The following SUGCT variants were observed in gnomAD, a reference collection of about 807,000 sequenced individuals.
The protein encoded by SUGCT is succinyl-CoA:glutarate-CoA transferase, also known as succinyl-CoA:glutarate CoA-transferase.
Under a neutral mutation model 55.0 loss-of-function variants are expected in SUGCT, and 41 were observed. The observed-to-expected ratio is 0.74, with a 90% confidence interval of 0.58 to 0.97. SUGCT has a LOEUF of 0.97. SUGCT is among the 50% of genes least tolerant of loss of function. The pLI, the probability that SUGCT is intolerant of heterozygous loss-of-function variation, is 0.00. For missense variants in SUGCT, 568 were observed against 547.8 expected, an observed-to-expected ratio of 1.04 and a Z score of -0.37; for synonymous variants, 187 against 200.4, an observed-to-expected ratio of 0.93 and a Z score of 0.56.
At chr7:40,584,961 G>A (rs1381812108) in intron 12 of SUGCT, among the ~76,000 whole-genome samples, 1 of 152,162 alleles carries the variant, frequency 6.6e-6, no homozygotes, top group Non-Finnish European at 1.5e-5. Context: ...CATTGTAAAT[G>A]ATAATTTCAT....
In SUGCT at chr7:40,239,651, T is replaced by C. The variant is rs146566733; in HGVS notation, c.576+1925T>C. 6.1e-3 allele frequency among the ~76,000 whole-genome samples: 932 copies of C among 152,364 alleles called. 10 individuals carry two copies. The highest frequency in any genetic ancestry group is 0.021 in the African/African-American group (882 of 41,584). ...TCCTTTAGTACATTGCACTGTGGTC[T>C]AACAGGGATAATCACACAGTATATG... On this transcript the variant is annotated intron_variant, in intron 7 of 13. Transcript: ENST00000335693.
intron 7 of SUGCT, among the ~76,000 whole-genome samples, chr7:40,251,020 G>A (rs1030587794): frequency 3.3e-5 from 5 of 151,692 alleles, no homozygotes; most frequent in African/African-American, 1.2e-4. Context: ...AGTGGAGACG[G>A]GGGTTTCACC....
chr7:40,240,148 C>T (rs1789282207), intron 7 of SUGCT, among the ~76,000 whole-genome samples: 1 of 152,142 alleles, frequency 6.6e-6, no homozygotes, highest in Non-Finnish European at 1.5e-5. Context: ...TAAAGATCTC[C>T]ATAAAGTGTG....
intron 6 of SUGCT, among the ~76,000 whole-genome samples, chr7:40,200,125 A>G (rs1046543092): frequency 6.6e-6 from 1 of 152,106 alleles, no homozygotes; most frequent in African/African-American, 2.4e-5. Context: ...AAGATTCAGA[A>G]ATGCCCAAAT....
chr7:40,834,793 A>C lies in SUGCT; in HGVS notation c.1154-25523A>C, dbSNP rs139179733. Reference sequence around the variant, plus strand: ...CTTTTAACCGGCAAAAGAATGAAGAAAATAAAAATTATTTGCCATGGCTGT... The same window carrying C: ...CTTTTAACCGGCAAAAGAATGAAGACAATAAAAATTATTTGCCATGGCTGT... On this transcript the variant is annotated intron_variant, in intron 13 of 13. Transcript: ENST00000335693. Among the ~76,000 whole-genome samples, 400 of 152,336 alleles carry C rather than the reference A, an allele frequency of 2.6e-3. 1 individual carries two copies. Among genetic ancestry groups the C allele is most frequent in the African/African-American group, 8.9e-3 (372 of 41,578 alleles).
chr7:40,218,928 G>A (rs114661645), intron 6 of SUGCT, among the ~76,000 whole-genome samples: 2,671 of 152,274 alleles, frequency 0.018, 74 homozygotes, highest in African/African-American at 0.062. Flanking sequence ...AGCCAGTGGC[G>A]GAAATCCGTT....
At chr7:40,635,381 A>G (rs1470026200) in intron 12 of SUGCT, among the ~76,000 whole-genome samples, 5 of 152,226 alleles carry the variant, frequency 3.3e-5, no homozygotes, top group Admixed American at 1.3e-4. Flanking sequence ...TGGATATACT[A>G]TGAAAGAGAA....
chr7:41,032,439 TA>T, the SUGCT span, among the ~76,000 whole-genome samples: 2 of 152,156 alleles, frequency 1.3e-5, no homozygotes, highest in Admixed American at 1.3e-4. Flanking sequence ...ATTTTCCTGA[TA>T]CGAAGGTATC....
chr7:40,171,911 G>T (rs1042961103), intron 1 of SUGCT, among the ~76,000 whole-genome samples: 5 of 152,132 alleles, frequency 3.3e-5, no homozygotes, highest in Non-Finnish European at 7.3e-5. Flanking sequence ...ATTTACCCTG[G>T]CTTTTAAAGG....
the SUGCT span, among the ~76,000 whole-genome samples, chr7:41,025,760 C>T: frequency 6.6e-6 from 1 of 152,032 alleles, no homozygotes; most frequent in Non-Finnish European, 1.5e-5. Flanking sequence ...ATGTTAAATT[C>T]TGTAGTTGGA....
the SUGCT span, among the ~76,000 whole-genome samples, chr7:40,882,273 T>C: frequency 2.0e-5 from 3 of 152,336 alleles, no homozygotes; most frequent in African/African-American, 7.2e-5. Flanking sequence ...TAAAGCTCTG[T>C]TTACTTCTAT....
intron 8 of SUGCT, among the ~76,000 whole-genome samples, chr7:40,286,637 G>T (rs1793361636): frequency 6.6e-6 from 1 of 152,144 alleles, no homozygotes; most frequent in African/African-American, 2.4e-5. Context: ...TCTGCTTCAG[G>T]CCTTTGCATT....
At chr7:40,799,870 T>C (rs753303353) in intron 13 of SUGCT, among the ~76,000 whole-genome samples, 1 of 152,178 alleles carries the variant, frequency 6.6e-6, no homozygotes, top group East Asian at 1.9e-4. Flanking sequence ...AAGTCATTAG[T>C]ATAGCAAACC....
intron 12 of SUGCT, chr7:40,684,276 A>C: frequency 8.1e-7 from 1 of 1,242,096 alleles, no homozygotes; most frequent in Non-Finnish European, 1.0e-6. Context: ...GGATTAGGAC[A>C]TAGCATCTTT....
intron 13 of SUGCT, among the ~76,000 whole-genome samples, chr7:40,769,741 G>A (rs920113630): frequency 3.9e-5 from 6 of 152,166 alleles, no homozygotes; most frequent in Non-Finnish European, 7.3e-5. Flanking sequence ...ACAAATGCAC[G>A]TTGTTTTAAG....
the SUGCT span, among the ~76,000 whole-genome samples, chr7:41,006,254 C>A: frequency 6.6e-6 from 1 of 152,168 alleles, no homozygotes; most frequent in Non-Finnish European, 1.5e-5. Flanking sequence ...TAGAGAATCA[C>A]TGACAAAACT....
the SUGCT span, chr7:40,964,925 A>C: frequency 6.6e-6 from 1 of 152,190 alleles, no homozygotes; most frequent in Non-Finnish European, 1.5e-5. Context: ...AGGCAATATT[A>C]AGCTGTCTAT....
chr7:40,308,677 A>G (rs1000654299), intron 8 of SUGCT, among the ~76,000 whole-genome samples: 2 of 152,102 alleles, frequency 1.3e-5, no homozygotes, highest in African/African-American at 2.4e-5. Flanking sequence ...GCTTTTTAGC[A>G]TATTAAAGTC....
At chr7:40,480,596 A>G (rs1790974648) in intron 11 of SUGCT, among the ~76,000 whole-genome samples, 1 of 152,160 alleles carries the variant, frequency 6.6e-6, no homozygotes, top group Admixed American at 6.5e-5. Flanking sequence ...TCTGTAGATT[A>G]CTTTGGATAA....
Sources: allele counts gnomAD v4.1 joint callset (sites outside exome capture counted in the v4.1 genomes callset), GRCh38; gene constraint gnomAD v4.1.1; transcripts MANE v1.5; gene names NCBI Gene and HGNC (gene_info 2026-07-23, HGNC 2026-07-21).